Variants in CACNA2D1 observed in about 807,000 individuals in gnomAD.
CACNA2D1 encodes the protein calcium voltage-gated channel auxiliary subunit alpha2delta 1, also known as voltage-dependent calcium channel subunit alpha-2/delta-1.
A neutral mutation model predicts 171.5 loss-of-function variants in CACNA2D1; 53 were observed. The ratio of observed to expected loss-of-function variants is 0.31; its 90% confidence interval spans 0.25 to 0.39. The LOEUF is 0.39. Among genes scored for constraint, CACNA2D1 ranks in the 10% least tolerant of loss-of-function variants. CACNA2D1 has a pLI of 1.00. For missense variants in CACNA2D1, 903 were observed against 1,299.8 expected (o/e 0.69, Z 4.69); for synonymous variants, 442 against 443.1 (o/e 1.00, Z 0.03).
chr7:82,165,596 T>C (rs1195062281), intron 4 of CACNA2D1, among the ~76,000 whole-genome samples: 1 of 152,036 alleles, frequency 6.6e-6, no homozygotes, highest in Non-Finnish European at 1.5e-5. Context: ...TTTATACGTA[T>C]GCATGAACAA....
intron 1 of CACNA2D1, among the ~76,000 whole-genome samples, chr7:82,364,067 C>G (rs1821402954): frequency 6.6e-6 from 1 of 151,966 alleles, no homozygotes; most frequent in African/African-American, 2.4e-5. Context: ...AACCCTGTCT[C>G]TACGAAGAAA....
At chr7:82,202,883 C>T (rs1563196984) in intron 3 of CACNA2D1, among the ~76,000 whole-genome samples, 1 of 152,062 alleles carries the variant, frequency 6.6e-6, no homozygotes, top group Non-Finnish European at 1.5e-5. Context: ...ATGAGTGACA[C>T]GCTGACAGAT....
chr7:81,964,393 C>G (rs748874797), intron 32 of CACNA2D1, 34 bp from the exon 33 acceptor site: 1 of 1,591,704 alleles, frequency 6.3e-7, no homozygotes, highest in Non-Finnish European at 8.6e-7. Context: ...GCAACGTGCA[C>G]TTAAAATGTA....
chr7:82,092,004 T>C (rs1304164486), intron 6 of CACNA2D1, among the ~76,000 whole-genome samples: 1 of 152,224 alleles, frequency 6.6e-6, no homozygotes, highest in Non-Finnish European at 1.5e-5. Flanking sequence ...TCCAGTTCTT[T>C]CCTCAGCTAG....
chr7:82,384,887 C>T (rs1346189855), intron 1 of CACNA2D1, among the ~76,000 whole-genome samples: 2 of 152,074 alleles, frequency 1.3e-5, no homozygotes, highest in African/African-American at 2.4e-5. Context: ...ATGCAAGACA[C>T]AAGAGAAAAC....
chr7:82,352,885 CA>C (rs1563414271), intron 1 of CACNA2D1, among the ~76,000 whole-genome samples: 2 of 152,030 alleles, frequency 1.3e-5, no homozygotes, highest in African/African-American at 4.8e-5. Flanking sequence ...CTTGGTTCAG[CA>C]AAAGGTATGG....
chr7:82,085,203 G>T (rs1321835762), intron 6 of CACNA2D1, among the ~76,000 whole-genome samples: 3 of 152,088 alleles, frequency 2.0e-5, no homozygotes, highest in African/African-American at 7.2e-5. Flanking sequence ...GTTATTCTTT[G>T]TTGTGAGGTC....
intron 1 of CACNA2D1, among the ~76,000 whole-genome samples, chr7:82,383,550 A>G (rs1041061610): frequency 6.6e-6 from 1 of 152,244 alleles, no homozygotes; most frequent in Non-Finnish European, 1.5e-5. Flanking sequence ...AAAAATGGAC[A>G]GTACCCTTGG....
At chr7:82,052,542 T>C (rs1805308136) in intron 10 of CACNA2D1, among the ~76,000 whole-genome samples, 1 of 152,180 alleles carries the variant, frequency 6.6e-6, no homozygotes, top group South Asian at 2.1e-4. Context: ...TCTCTTTACC[T>C]GTATCAATTT....
intron 3 of CACNA2D1, among the ~76,000 whole-genome samples, chr7:82,295,757 A>G (rs1812196396): frequency 6.6e-6 from 1 of 152,064 alleles, no homozygotes; most frequent in South Asian, 2.1e-4. Context: ...TAACATGTAG[A>G]TTCTGATACC....
intron 1 of CACNA2D1, chr7:82,410,369 G>T: frequency 7.7e-6 from 2 of 258,372 alleles, no homozygotes; most frequent in Non-Finnish European, 1.2e-5. Flanking sequence ...CCATCATAGC[G>T]GTTTACCTAA....
At chr7:82,314,875 C>CA (rs1003754521) in intron 3 of CACNA2D1, among the ~76,000 whole-genome samples, 1 of 151,930 alleles carries the variant, frequency 6.6e-6, no homozygotes, top group African/African-American at 2.4e-5. Context: ...GTGGCTTCAG[C>CA]AACCTGTGTT....
intron 7 of CACNA2D1, among the ~76,000 whole-genome samples, chr7:82,067,485 A>G (rs956708872): frequency 3.3e-5 from 5 of 152,200 alleles, no homozygotes; most frequent in Non-Finnish European, 7.3e-5. Context: ...GGATATGTCA[A>G]AAACTATATA....
chr7:82,158,884 A>G (rs1227732929), intron 4 of CACNA2D1, among the ~76,000 whole-genome samples: 1 of 151,908 alleles, frequency 6.6e-6, no homozygotes, highest in Non-Finnish European at 1.5e-5. Context: ...CAAATATCCT[A>G]TTTAATAGAG....
At chr7:82,253,962 T>C (rs1407251896) in intron 3 of CACNA2D1, among the ~76,000 whole-genome samples, 1 of 152,148 alleles carries the variant, frequency 6.6e-6, no homozygotes, top group Non-Finnish European at 1.5e-5. Context: ...TGAGGAGTGT[T>C]TCTATTCCAA....
intron 1 of CACNA2D1, among the ~76,000 whole-genome samples, chr7:82,401,795 A>C (rs1660328173): frequency 6.6e-6 from 1 of 152,214 alleles, no homozygotes; most frequent in African/African-American, 2.4e-5. Context: ...GAACTACATC[A>C]GTGAATAAAA....
intron 3 of CACNA2D1, among the ~76,000 whole-genome samples, chr7:82,234,850 C>G (rs1384603293): frequency 6.6e-6 from 1 of 152,206 alleles, no homozygotes; most frequent in Admixed American, 6.5e-5. Context: ...TTCCCTACTT[C>G]TGTCTCCAAA....
At chr7:82,048,375 C>A (rs1804796168) in intron 10 of CACNA2D1, among the ~76,000 whole-genome samples, 1 of 152,160 alleles carries the variant, frequency 6.6e-6, no homozygotes, top group East Asian at 1.9e-4. Flanking sequence ...CTGAACAAAA[C>A]ATTACAAAGG....
At chr7:82,347,123 T>C (rs1262753843) in intron 2 of CACNA2D1, among the ~76,000 whole-genome samples, 1 of 152,154 alleles carries the variant, frequency 6.6e-6, no homozygotes, top group Non-Finnish European at 1.5e-5. Context: ...TCACTCTTGA[T>C]CTTTAACAGA....
Sources: gnomAD v4.1 joint callset for allele counts (sites outside exome capture counted in the v4.1 genomes callset) on GRCh38, gnomAD v4.1.1 for gene constraint, MANE v1.5 for transcripts, NCBI Gene and HGNC (gene_info 2026-07-23, HGNC 2026-07-21) for gene names.